Variants in PIEZO1 observed in about 807,000 individuals in gnomAD.
PIEZO1 encodes piezo type mechanosensitive ion channel component 1 (Er blood group).
Under a neutral mutation model 297.2 loss-of-function variants are expected in PIEZO1, and 296 were observed. The ratio of observed to expected loss-of-function variants is 1.00; its 90% CI spans 0.91 to 1.10. The LOEUF (loss-of-function observed/expected upper bound fraction) is 1.10, where lower values mean the gene tolerates loss of function less well. Among genes scored for constraint, PIEZO1 ranks in the 50% least tolerant of loss-of-function variants. PIEZO1 has a pLI of 0.00. For synonymous variants in PIEZO1, 2,427 were observed against 1,507.5 expected, an observed-to-expected ratio of 1.61 and a Z score of -14.13; for missense variants, 5,018 against 3,455.5, an observed-to-expected ratio of 1.45 and a Z score of -11.34.
chr16:88,737,301 T>G, intron 10 of PIEZO1: 10 of 433,416 alleles, frequency 2.3e-5, no homozygotes, highest in East Asian at 9.8e-5. Flanking sequence ...AGGCCCCCCA[T>G]GGGGTCTTGG....
chr16:88,749,219 G>C (rs528618317), intron 2 of PIEZO1, among the ~76,000 whole-genome samples, 165 bp downstream of exon 2: 3 of 151,540 alleles, frequency 2.0e-5, no homozygotes, highest in Non-Finnish European at 4.4e-5. Flanking sequence ...CAGCCTGGGC[G>C]ACTGAGCGAG....
chr16:88,742,542 C>T (rs573502175), intron 2 of PIEZO1, 120 bp from the exon 3 acceptor site: 24 of 1,033,016 alleles, frequency 2.3e-5, no homozygotes, highest in East Asian at 5.3e-5. Context: ...GATGCAAACC[C>T]GCCATGGACT....
rs1267847333 is a variant in PIEZO1 at position 88,723,157 on chromosome 16, C to A, written c.4439-6G>T. ...CTCCTGGCTGGGACCACCTCCTGGG[C>A]ACAGGATGCTGGTGAGTGACTGGCA... On this transcript the variant is annotated splice_polypyrimidine_tract_variant and splice_region_variant and intron_variant, in intron 32 of 50. Transcript: ENST00000301015. 6.5e-7 allele frequency: 1 copy of A among 1,549,424 alleles called. No individual in the cohort carries two copies. Among genetic ancestry groups the A allele is most frequent in the Non-Finnish European group, 8.7e-7 (1 of 1,146,840 alleles).
intron 1 of PIEZO1, among the ~76,000 whole-genome samples, chr16:88,772,684 C>A (rs1464342214): frequency 6.6e-6 from 1 of 150,744 alleles, no homozygotes; most frequent in Non-Finnish European, 1.5e-5. Context: ...GAGGCTGAGG[C>A]AGGAGAATCG....
chr16:88,778,499 A>G (rs1335543036), intron 1 of PIEZO1, among the ~76,000 whole-genome samples: 1 of 152,160 alleles, frequency 6.6e-6, no homozygotes, highest in East Asian at 1.9e-4. Context: ...CACCCGAAAA[A>G]TTGATCCACC....
chr16:88,721,787 T>TCCCC (rs1407034826), intron 37 of PIEZO1, 21 bp downstream of exon 37: 11 of 1,523,952 alleles, frequency 7.2e-6, no homozygotes, highest in African/African-American at 1.4e-5. Flanking sequence ...GGGCGCCCCC[T>TCCCC]CCCCCGCGGC....
intron 10 of PIEZO1, 89 bp from the exon 11 acceptor site, chr16:88,736,828 G>T: frequency 1.2e-6 from 1 of 801,236 alleles, no homozygotes; most frequent in Non-Finnish European, 1.9e-6. Flanking sequence ...CCCTGGGCAA[G>T]CACACAGCAG....
Position 88,749,137 on chromosome 16 carries a change from G to A in PIEZO1, c.160+247C>T, listed in dbSNP as rs548356944. ...CGCCTGTAGTCCCAGCTACCCGGGA[G>A]GCTGAGGCAGGAGAATGGCGTGAAC... is the stretch of plus-strand genomic sequence containing the variant. On this transcript the variant is annotated intron_variant, in intron 2 of 50. Coordinates refer to ENST00000301015, the MANE Select transcript of PIEZO1 (RefSeq NM_001142864.4). Among the ~76,000 whole-genome samples the A allele has an allele frequency of 8.1e-3, 1,236 of 152,008 alleles. 8 individuals carry two copies. Among genetic ancestry groups the A allele is most frequent in the Non-Finnish European group, 0.013 (915 of 67,936 alleles).
At position 88,727,620 on chromosome 16, in the gene PIEZO1, C is replaced by A; in HGVS notation, c.3238G>T (p.Ala1080Ser). Residue 1080 changes from alanine to serine, a missense_variant, in exon 23 of 51, where the codon GCA becomes TCA. Coordinates refer to ENST00000301015, the MANE Select transcript of PIEZO1 (RefSeq NM_001142864.4). The stretch of plus-strand genomic sequence containing the variant: ...GGCAGGTACAGCCACTTGATGAGTG[C>A]GGAGTTCATGGGGACGGCCCGGCTC... The part of the protein sequence containing the change: ...RWSRAVPMNS[A>S]LIKWLYLPDF... 6.6e-7 allele frequency: 1 copy of A among 1,524,326 alleles called. No individual in the cohort carries two copies. Among genetic ancestry groups the A allele is most frequent in the Non-Finnish European group, 8.8e-7 (1 of 1,130,506 alleles). The allele number at this position is 1,524,326 out of a possible 1,614,324, so 94.4% of individuals were successfully genotyped here.
chr16:88,772,137 C>T (rs796712104), intron 1 of PIEZO1, among the ~76,000 whole-genome samples: 4 of 152,160 alleles, frequency 2.6e-5, no homozygotes, highest in South Asian at 4.1e-4. Context: ...TGTCCACCTG[C>T]GGCCCCAGGC....
Position 88,741,635 on chromosome 16 carries a change from A to G in PIEZO1, c.327-19T>C, listed in dbSNP as rs1673846697. ...GTCCAGCCTGCGGAGAGCAGGGAGC[A>G]GCCGCGGTCAGACCAAGAGGACAGG... On this transcript the variant is annotated intron_variant, in intron 4 of 50. Transcript: ENST00000301015. 2 of 1,530,606 alleles carry G rather than the reference A, an allele frequency of 1.3e-6. No homozygotes were observed. Among genetic ancestry groups the G allele is most frequent in the African/African-American group, 1.4e-5 (1 of 72,600 alleles). 94.8% of individuals were successfully genotyped at this position (1,530,606 alleles called of 1,614,324 possible).
At position 88,732,631 on chromosome 16, in the gene PIEZO1, C is replaced by G. The variant is rs1904938675; in HGVS notation, c.2766G>C (p.Gly922=). Residue 922 remains glycine (G), a synonymous_variant, in exon 20 of 51, where the codon GGG becomes GGC. Transcript: ENST00000301015. ...CCTGGATGTAGCCCAGGTTGGGGAACCCTTTCCGCACCCCAAACCAGTTGG... is the reference window on the plus strand; with the variant it reads ...CCTGGATGTAGCCCAGGTTGGGGAAGCCTTTCCGCACCCCAAACCAGTTGG... ...DPANWFGVRK[G]FPNLGYIQNH... 1.3e-6 allele frequency: 2 copies of G among 1,549,568 alleles called. No homozygotes were observed. The highest frequency in any genetic ancestry group is 4.9e-5 in the East Asian group (2 of 40,910).
Position 88,736,245 on chromosome 16 carries a change from T to A in PIEZO1, c.1460A>T (p.Asp487Val). ...GGTGGTGGGCAGCTCAGGGCGCAGG[T>A]CCATGGCCCACACGTAGCGTAGGCA... ...LCCLRYVWAM[D>V]LRPELPTTLG... The change falls in exon 12 of 51, where the codon GAC (aspartate) becomes GTC (valine). Residue 487 changes from aspartate to valine, a missense_variant. Asp to Val is a radical substitution (Grantham distance 152). Transcript: ENST00000301015. The A allele has an allele frequency of 6.5e-7, 1 of 1,550,056 alleles. No individual in the cohort carries two copies. Among genetic ancestry groups the A allele is most frequent in the Non-Finnish European group, 8.7e-7 (1 of 1,146,812 alleles).
At chr16:88,732,774 G>T (rs1217036014) in intron 19 of PIEZO1, 42 bp from the exon 20 acceptor site, 6 of 1,505,518 alleles carry the variant, frequency 4.0e-6, no homozygotes, top group Non-Finnish European at 5.4e-6. Context: ...CCAGGCCACA[G>T]TGCCCCCTGG....
chr16:88,717,231 G>C lies in PIEZO1; in HGVS notation c.6472-20C>G. ...GTATTTCTGGAGGGGAACGACACAG[G>C]TCATACGCTCAGCTCTGCCCTTCCT... On this transcript the variant is annotated intron_variant, in intron 44 of 50. Transcript: ENST00000301015. The C allele has an allele frequency of 1.3e-6, 2 of 1,542,664 alleles. No individual in the cohort carries two copies. The highest frequency in any genetic ancestry group is 8.7e-7 in the Non-Finnish European group (1 of 1,144,948).
chr16:88,749,539 G>T, intron 1 of PIEZO1, 60 bp from the exon 2 acceptor site: 1 of 1,272,658 alleles, frequency 7.9e-7, no homozygotes, highest in Non-Finnish European at 1.1e-6. Context: ...CCACCCCAGA[G>T]GACAGCGCAC....
intron 1 of PIEZO1, among the ~76,000 whole-genome samples, chr16:88,766,581 C>T (rs975211108): frequency 6.6e-6 from 1 of 152,236 alleles, no homozygotes. Context: ...CACCTACCTC[C>T]GGGGCCCTGG....
At chr16:88,723,690 T>C (rs905727753) in intron 31 of PIEZO1, among the ~76,000 whole-genome samples, 181 bp downstream of exon 31, 3 of 152,258 alleles carry the variant, frequency 2.0e-5, no homozygotes, top group Non-Finnish European at 2.9e-5. Flanking sequence ...ACATGACCCA[T>C]GTCCCTGTAG....
rs1432632192 is a variant in PIEZO1 at position 88,738,022 on chromosome 16, G to A, written c.932C>T (p.Pro311Leu). ...GAGGACGCCGGGGCTGGCATACACA[G>A]GCCAGTCCAGGCCGGTGTTGAGGAC... is the stretch of plus-strand genomic sequence containing the variant. The part of the protein sequence containing the change: ...ALVLNTGLDW[P>L]VYASPGVLLL... The change falls in exon 8 of 51, where the codon CCT becomes CTT. Residue 311 changes from proline to leucine, a missense_variant. Transcript: ENST00000301015. 4 of 1,535,666 alleles carry A rather than the reference G, an allele frequency of 2.6e-6. No individual in the cohort carries two copies. The Middle Eastern group carries it at 5.0e-4, about 192-fold the overall frequency.
Sources: allele counts gnomAD v4.1 joint callset (sites outside exome capture counted in the v4.1 genomes callset), GRCh38; gene constraint gnomAD v4.1.1; transcripts MANE v1.5; gene names NCBI Gene and HGNC (gene_info 2026-07-23, HGNC 2026-07-21).